The following EP300 variants were observed in gnomAD, a reference collection of about 807,000 sequenced individuals.
EP300 encodes histone acetyltransferase p300.
A neutral mutation model predicts 264.0 loss-of-function variants in EP300; 31 were observed. The observed-to-expected ratio is 0.12, with a 90% CI of 0.09 to 0.16. The LOEUF is 0.16. EP300 is among the 10% of genes least tolerant of loss of function. The probability of loss-of-function intolerance (pLI) is 1.00; values close to 1 mark genes in which losing one functional copy is unlikely to be tolerated. For missense variants in EP300, 2,766 were observed against 3,052.9 expected, an observed-to-expected ratio of 0.91 and a Z score of 2.21; for synonymous variants, 1,340 against 1,045.4, an observed-to-expected ratio of 1.28 and a Z score of -5.44.
chr22:41,096,109 G>A (rs2058700348), intron 1 of EP300, among the ~76,000 whole-genome samples: 1 of 151,876 alleles, frequency 6.6e-6, no homozygotes, highest in African/African-American at 2.4e-5. Context: ...ATTTGGTATG[G>A]TTAGGGTAAA....
At chr22:41,104,287 G>T (rs1345794476) in intron 1 of EP300, among the ~76,000 whole-genome samples, 1 of 151,214 alleles carries the variant, frequency 6.6e-6, no homozygotes, top group East Asian at 1.9e-4. Flanking sequence ...TCATCATGTA[G>T]TTTTTTTGGT....
chr22:41,151,132 CT>C (rs2059041893), intron 14 of EP300, among the ~76,000 whole-genome samples: 1 of 152,026 alleles, frequency 6.6e-6, no homozygotes, highest in African/African-American at 2.4e-5. Flanking sequence ...TCCAATAGTT[CT>C]CAGCCATGTT....
intron 3 of EP300, 174 bp downstream of exon 3, chr22:41,126,214 T>G: frequency 3.1e-6 from 2 of 643,144 alleles, no homozygotes; most frequent in Non-Finnish European, 5.3e-6. Flanking sequence ...CATTTCTCTG[T>G]TTTTTTTGTT....
At chr22:41,095,206 C>G (rs1048317223) in intron 1 of EP300, among the ~76,000 whole-genome samples, 1 of 143,412 alleles carries the variant, frequency 7.0e-6, no homozygotes, top group Non-Finnish European at 1.5e-5. Flanking sequence ...CCTCTGTTAA[C>G]TTACTTCAAG....
At chr22:41,176,673 G>A (rs2059202417) in intron 30 of EP300, 100 bp from the exon 31 acceptor site, 3 of 1,611,962 alleles carry the variant, frequency 1.9e-6, no homozygotes, top group African/African-American at 1.3e-5. Flanking sequence ...GCTAGTTTTT[G>A]TTCTACGAAA....
chr22:41,126,623 C>G (rs1002502263), intron 3 of EP300, among the ~76,000 whole-genome samples: 1 of 149,474 alleles, frequency 6.7e-6, no homozygotes, highest in Non-Finnish European at 1.5e-5. Flanking sequence ...TAGTTTTGTC[C>G]TTTGTGTCAT....
intron 20 of EP300, among the ~76,000 whole-genome samples, chr22:41,162,125 G>T (rs534839593): frequency 3.3e-5 from 5 of 152,304 alleles, no homozygotes; most frequent in African/African-American, 1.2e-4. Context: ...CTCCCAGATT[G>T]TTCTGGTGCT....
Position 41,178,425 on chromosome 22 carries a change from T to C in EP300, c.6714T>C (p.Asn2238=), listed in dbSNP as rs1257234898. 1.9e-6 allele frequency: 3 copies of C among 1,613,844 alleles called. No individual in the cohort carries two copies. The highest frequency in any genetic ancestry group is 2.2e-5 in the East Asian group (1 of 44,862). The change falls in exon 31 of 31, where the codon AAT becomes AAC. Residue 2238 remains asparagine, a synonymous_variant. Coordinates refer to ENST00000263253, the MANE Select transcript of EP300 (RefSeq NM_001429.4). ...QHHMQQMQQG[N]MGQIGQLPQA... is the part of the protein sequence containing the mutation. Reference sequence around the variant, plus strand: ...ACATGCAACAGATGCAACAAGGAAATATGGGACAGATAGGCCAGCTTCCCC... The same window carrying C: ...ACATGCAACAGATGCAACAAGGAAACATGGGACAGATAGGCCAGCTTCCCC...
At chr22:41,140,801 G>C (rs1340069386) in intron 9 of EP300, among the ~76,000 whole-genome samples, 1 of 152,092 alleles carries the variant, frequency 6.6e-6, no homozygotes, top group East Asian at 1.9e-4. Context: ...AAACAGGAGT[G>C]GGGTGGTGCT....
chr22:41,156,268 C>G (rs1241771372), intron 17 of EP300, among the ~76,000 whole-genome samples: 1 of 152,206 alleles, frequency 6.6e-6, no homozygotes, highest in Non-Finnish European at 1.5e-5. Context: ...CCACCTCGGC[C>G]TCCCAGAATG....
intron 16 of EP300, among the ~76,000 whole-genome samples, chr22:41,153,313 C>T (rs1003718700): frequency 6.6e-6 from 1 of 152,128 alleles, no homozygotes; most frequent in Non-Finnish European, 1.5e-5. Context: ...CTGGCTCTTA[C>T]AGATGATATA....
chr22:41,174,424 A>T (rs1045884454), intron 29 of EP300, among the ~76,000 whole-genome samples: 2 of 152,212 alleles, frequency 1.3e-5, no homozygotes, highest in Non-Finnish European at 1.5e-5. Context: ...AAATAAAAAG[A>T]TTTAACCTTT....
Position 41,150,017 on chromosome 22 carries a change from A to T in EP300, c.2636A>T (p.His879Leu). The T allele has an allele frequency of 6.2e-7, 1 of 1,613,454 alleles. No individual in the cohort carries two copies. The highest frequency in any genetic ancestry group is 8.5e-7 in the Non-Finnish European group (1 of 1,179,922). The change falls in exon 14 of 31, where the codon CAT (histidine) becomes CTT (leucine). Residue 879 changes from histidine (H) to leucine (L), a missense_variant. His to Leu is a moderately conservative substitution (Grantham distance 99, BLOSUM62 -3). Transcript: ENST00000263253. ...MPPGPQSQAL[H>L]PPPRQTPTPP... The stretch of plus-strand genomic sequence containing the variant: ...CCTGGGCCACAGTCCCAGGCTCTAC[A>T]TCCCCCTCCAAGGCAGACACCTACA...
intron 23 of EP300, 183 bp from the exon 24 acceptor site, chr22:41,168,266 T>C: frequency 1.6e-6 from 1 of 632,728 alleles, no homozygotes; most frequent in Non-Finnish European, 2.8e-6. Context: ...AAGATTAGCA[T>C]GTTCCCTGCA....
At position 41,092,873 on chromosome 22, in the gene EP300, C is replaced by G. The variant is rs1312924172; in HGVS notation, c.-132C>G. 6 of 957,856 alleles carry G rather than the reference C, an allele frequency of 6.3e-6. No individual in the cohort carries two copies. Among genetic ancestry groups the G allele is most frequent in the Middle Eastern group, 3.0e-4 (1 of 3,310 alleles). The allele number at this position is 957,856 out of a possible 1,614,324, so 59.3% of individuals were successfully genotyped here. On this transcript the variant is annotated 5_prime_UTR_variant, in exon 1 of 31. Coordinates refer to ENST00000263253, the MANE Select transcript of EP300 (RefSeq NM_001429.4). ...GCGACCCGGCGAAGAGAAAAAGGAA[C>G]TTCCCCCACCCCCTCGGGTGCCGTC...
intron 29 of EP300, among the ~76,000 whole-genome samples, chr22:41,175,770 A>G (rs574636121): frequency 1.3e-5 from 2 of 152,356 alleles, no homozygotes; most frequent in South Asian, 4.1e-4. Context: ...CACCCAGACC[A>G]TTGTTACTCT....
chr22:41,098,305 C>G (rs981435845), intron 1 of EP300, among the ~76,000 whole-genome samples: 11 of 152,324 alleles, frequency 7.2e-5, no homozygotes, highest in African/African-American at 2.6e-4. Flanking sequence ...TAAGCCTCTT[C>G]TGAGCAATTT....
At position 41,178,098 on chromosome 22, in the gene EP300, C is replaced by T; in HGVS notation, c.6387C>T (p.Ala2129=). The change falls in exon 31 of 31, where the codon GCC becomes GCT. Residue 2129 remains alanine (A), a synonymous_variant. Coordinates refer to ENST00000263253, the MANE Select transcript of EP300 (RefSeq NM_001429.4). ...PGQQGVHSNP[A]MQNMNPMQAG... is the part of the protein sequence containing the mutation. ...AGCAGGGGGTCCACTCCAATCCAGC[C>T]ATGCAGAACATGAATCCAATGCAGG... The T allele has an allele frequency of 1.9e-6, 3 of 1,614,104 alleles. No individual in the cohort carries two copies. The highest frequency in any genetic ancestry group is 2.5e-6 in the Non-Finnish European group (3 of 1,179,978).
At chr22:41,157,763 C>T (rs907058199) in intron 18 of EP300, among the ~76,000 whole-genome samples, 1 of 152,046 alleles carries the variant, frequency 6.6e-6, no homozygotes, top group African/African-American at 2.4e-5. Context: ...TCAAGCAGTC[C>T]TCCTGCCTCG....
Sources: allele counts gnomAD v4.1 joint callset (sites outside exome capture counted in the v4.1 genomes callset), GRCh38; gene constraint gnomAD v4.1.1; transcripts MANE v1.5; gene names NCBI Gene and HGNC (gene_info 2026-07-23, HGNC 2026-07-21).